SUMF1: variants seen among roughly 807,000 people sequenced by gnomAD.
SUMF1 encodes the protein sulfatase modifying factor 1.
In SUMF1, 48 loss-of-function variants were observed where a neutral mutation model predicts 47.6. The ratio of observed to expected loss-of-function variants is 1.01; its 90% confidence interval spans 0.80 to 1.28. The LOEUF (loss-of-function observed/expected upper bound fraction) is 1.28. Ranked by LOEUF, SUMF1 falls within the 50% of genes most tolerant of loss-of-function variation. The probability of loss-of-function intolerance (pLI) is 0.00; values close to 1 mark genes in which losing one functional copy is unlikely to be tolerated. For missense variants in SUMF1, 571 were observed against 485.4 expected, an observed-to-expected ratio of 1.18 and a Z score of -1.66; for synonymous variants, 230 against 192.1, an observed-to-expected ratio of 1.20 and a Z score of -1.63.
intron 1 of SUMF1, among the ~76,000 whole-genome samples, chr3:4,460,623 TGA>T (rs574132982): frequency 3.3e-4 from 48 of 147,380 alleles, no homozygotes; most frequent in African/African-American, 1.1e-3. Context: ...TGTGTGTGTG[TGA>T]GAGTGTGTGT....
intron 8 of SUMF1, chr3:4,303,826 G>A: frequency 7.3e-7 from 1 of 1,362,420 alleles, no homozygotes; most frequent in Non-Finnish European, 9.7e-7. Flanking sequence ...GAGGCATCAC[G>A]GGGGGAGTCA....
intron 8 of SUMF1, among the ~76,000 whole-genome samples, chr3:4,107,691 G>T (rs1269769466): frequency 1.3e-5 from 2 of 152,074 alleles, no homozygotes; most frequent in African/African-American, 2.4e-5. Context: ...GGCAACTCAT[G>T]TCGGTAATAG....
Position 4,466,874 on chromosome 3 carries a change from A to C in SUMF1, c.270+102T>G, listed in dbSNP as rs376492252. On this transcript the variant is annotated intron_variant, in intron 1 of 8. Transcript: ENST00000272902. ...CAGGTGCTCGATTTGGGGTGTGGTT[A>C]TAACCTTTACTTCCCTTCCTACTAG... The C allele has an allele frequency of 2.1e-5, 31 of 1,506,540 alleles. No homozygotes were observed. In the South Asian group the frequency reaches 3.8e-4, roughly 19 times the overall value. 93.3% of individuals were successfully genotyped at this position (1,506,540 alleles called of 1,614,324 possible). A position where few individuals can be genotyped will look rare whatever the true frequency, so the allele number is the denominator to read the frequency against.
rs562541999 is a variant in SUMF1, at chr3:4,246,764, G to C, written c.1014+129566C>G. On this transcript the variant is annotated intron_variant and NMD_transcript_variant, in intron 8 of 12. Transcript: ENST00000448413. ...TCACTAACCACCAAGAGAAGTGGTT[G>C]AGTTAGCAGCTCTAACCAAGTTCCC... 2.0e-5 allele frequency among the ~76,000 whole-genome samples: 3 copies of C among 152,230 alleles called. No homozygotes were observed. The East Asian group carries it at 5.8e-4, about 29-fold the overall frequency.
chr3:4,296,678 G>A (rs554948946), intron 8 of SUMF1, among the ~76,000 whole-genome samples: 2 of 152,168 alleles, frequency 1.3e-5, no homozygotes, highest in African/African-American at 2.4e-5. Flanking sequence ...CGACACGTGC[G>A]GATTACAGGA....
chr3:4,084,128 C>G (rs190163690), intron 8 of SUMF1, among the ~76,000 whole-genome samples: 1 of 152,228 alleles, frequency 6.6e-6, no homozygotes, highest in African/African-American at 2.4e-5. Flanking sequence ...GACCCCCACT[C>G]TAATTCCTTT....
chr3:4,266,390 T>A (rs1478554091), intron 8 of SUMF1, among the ~76,000 whole-genome samples: 1 of 152,184 alleles, frequency 6.6e-6, no homozygotes, highest in Non-Finnish European at 1.5e-5. Flanking sequence ...TTTGTTTGTA[T>A]CCTCTTTTAT....
chr3:4,417,737 C>G (rs1010902409), intron 5 of SUMF1, among the ~76,000 whole-genome samples: 1 of 152,224 alleles, frequency 6.6e-6, no homozygotes, highest in Non-Finnish European at 1.5e-5. Flanking sequence ...CCAAGAAGTT[C>G]TAAGCAGTGA....
chr3:4,238,482 G>A (rs551331837), intron 8 of SUMF1, among the ~76,000 whole-genome samples: 21 of 152,312 alleles, frequency 1.4e-4, no homozygotes, highest in Non-Finnish European at 2.4e-4. Flanking sequence ...ACTGGCATGA[G>A]ATGGTATCTC....
At chr3:4,070,731 GT>G (rs1695501868) in intron 8 of SUMF1, among the ~76,000 whole-genome samples, 1 of 151,988 alleles carries the variant, frequency 6.6e-6, no homozygotes, top group South Asian at 2.1e-4. Context: ...CACCTCCTGG[GT>G]TCAGGCCATT....
At chr3:4,333,308 T>G (rs570339651) in intron 8 of SUMF1, among the ~76,000 whole-genome samples, 33 of 152,326 alleles carry the variant, frequency 2.2e-4, no homozygotes, top group African/African-American at 7.9e-4. Flanking sequence ...TGTCTGCATG[T>G]TCCCCCTCCC....
At chr3:4,167,150 G>A (rs908615841) in intron 8 of SUMF1, among the ~76,000 whole-genome samples, 3 of 151,992 alleles carry the variant, frequency 2.0e-5, no homozygotes, top group East Asian at 1.9e-4. Flanking sequence ...ACGGGCCTCT[G>A]TGGTGAGTGT....
chr3:4,059,583 T>C (rs1300109471), intron 9 of SUMF1, among the ~76,000 whole-genome samples: 2 of 152,176 alleles, frequency 1.3e-5, no homozygotes, highest in African/African-American at 4.8e-5. Context: ...GAATCCATTC[T>C]ATCATGTTAT....
chr3:4,303,773 T>G (rs1227656283), intron 8 of SUMF1: 73 of 1,451,996 alleles, frequency 5.0e-5, no homozygotes, highest in Non-Finnish European at 6.6e-5. Context: ...GGAGGCCTTG[T>G]GAGAACCTGG....
chr3:4,158,340 T>A (rs1376717954), intron 8 of SUMF1, among the ~76,000 whole-genome samples: 1 of 151,642 alleles, frequency 6.6e-6, no homozygotes, highest in Non-Finnish European at 1.5e-5. Flanking sequence ...TTTTGAATTT[T>A]TTTTGAATGT....
chr3:4,067,293 A>AT (rs569494010), intron 9 of SUMF1, among the ~76,000 whole-genome samples: 12 of 152,176 alleles, frequency 7.9e-5, no homozygotes, highest in Non-Finnish European at 1.8e-4. Context: ...CATTCTGGCT[A>AT]TAAGGGATGA....
chr3:4,203,596 T>A (rs184075951), intron 8 of SUMF1, among the ~76,000 whole-genome samples: 2 of 152,032 alleles, frequency 1.3e-5, no homozygotes, highest in African/African-American at 4.8e-5. Flanking sequence ...AATGTTACTA[T>A]TGATAAGTAA....
chr3:4,327,715 A>T (rs995420980), intron 8 of SUMF1, among the ~76,000 whole-genome samples: 3 of 152,170 alleles, frequency 2.0e-5, no homozygotes, highest in African/African-American at 4.8e-5. Context: ...TTAACATAGC[A>T]AATAAGCTCA....
chr3:4,317,072 T>G, intron 8 of SUMF1: 1 of 1,549,224 alleles, frequency 6.5e-7, no homozygotes, highest in East Asian at 2.4e-5. Context: ...ACCACGTCTT[T>G]AAGCATCTCA....
Sources: gnomAD v4.1 joint callset for allele counts (sites outside exome capture counted in the v4.1 genomes callset) on GRCh38, gnomAD v4.1.1 for gene constraint, MANE v1.5 for transcripts, NCBI Gene and HGNC (gene_info 2026-07-23, HGNC 2026-07-21) for gene names.